The following NEK7 variants were observed in gnomAD, a reference collection of about 807,000 sequenced individuals.
The protein encoded by NEK7 is NIMA related kinase 7.
NEK7 carries 18 observed loss-of-function variants against 44.6 expected under a neutral mutation model. The ratio of observed to expected loss-of-function variants is 0.40; its 90% CI spans 0.28 to 0.60. The LOEUF is 0.60. NEK7 is among the 20% of genes least tolerant of loss of function. The probability of loss-of-function intolerance (pLI) is 0.38; values close to 1 mark genes in which losing one functional copy is unlikely to be tolerated. For synonymous variants in NEK7, 130 were observed against 121.1 expected, an observed-to-expected ratio of 1.07 and a Z score of -0.48; for missense variants, 256 against 366.5, an observed-to-expected ratio of 0.70 and a Z score of 2.46.
At chr1:198,209,003 G>T in intron 1 of NEK7, among the ~76,000 whole-genome samples, 1 of 149,750 alleles carries the variant, frequency 6.7e-6, no homozygotes. Flanking sequence ...TATTTCATTA[G>T]CTCTCTGATG....
At chr1:198,209,153 C>CTT (rs11389228) in intron 1 of NEK7, among the ~76,000 whole-genome samples, 18,898 of 137,170 alleles carry the variant, frequency 0.14, 1,960 homozygotes, top group East Asian at 0.58. Context: ...TATATATATA[C>CTT]TTTTTTTTTT....
chr1:198,229,711 G>A (rs1666330605), intron 1 of NEK7, among the ~76,000 whole-genome samples: 1 of 152,064 alleles, frequency 6.6e-6, no homozygotes, highest in South Asian at 2.1e-4. Flanking sequence ...ACAGTTTGTG[G>A]CTTTTTTCAC....
chr1:198,230,462 T>A lies in NEK7; in HGVS notation c.-28-2091T>A, dbSNP rs957491059. Among the ~76,000 whole-genome samples the A allele has an allele frequency of 6.6e-5, 10 of 152,252 alleles. No individual in the cohort carries two copies. In the South Asian group the frequency reaches 1.0e-3, roughly 16 times the overall value. On this transcript the variant is annotated intron_variant, in intron 1 of 9. Transcript: ENST00000367385. ...ATCATTTCAAGATACACAAATTTTT[T>A]AATAAAAATCTAACATCTATTCTTT...
intron 1 of NEK7, among the ~76,000 whole-genome samples, chr1:198,189,168 C>G (rs1664998670): frequency 6.6e-6 from 1 of 151,884 alleles, no homozygotes; most frequent in African/African-American, 2.4e-5. Flanking sequence ...GAATATAAGT[C>G]TGAATTAAGA....
At chr1:198,308,794 T>C (rs1403780116) in intron 9 of NEK7, among the ~76,000 whole-genome samples, 1 of 152,210 alleles carries the variant, frequency 6.6e-6, no homozygotes, top group African/African-American at 2.4e-5. Flanking sequence ...ACATCATACT[T>C]TCTTTGGCCA....
chr1:198,279,231 A>C (rs567475779), intron 7 of NEK7, among the ~76,000 whole-genome samples, 170 bp downstream of exon 7: 1 of 147,898 alleles, frequency 6.8e-6, no homozygotes, highest in South Asian at 2.2e-4. Flanking sequence ...GTTTCCTCTA[A>C]TATGACAGTT....
At chr1:198,226,743 C>A (rs1229433796) in intron 1 of NEK7, among the ~76,000 whole-genome samples, 1 of 152,050 alleles carries the variant, frequency 6.6e-6, no homozygotes, top group Non-Finnish European at 1.5e-5. Flanking sequence ...AACAATCTCT[C>A]TCTGTGAACT....
At chr1:198,242,557 G>A (rs1430083537) in intron 2 of NEK7, among the ~76,000 whole-genome samples, 2 of 148,942 alleles carry the variant, frequency 1.3e-5, no homozygotes, top group Non-Finnish European at 3.0e-5. Context: ...CACCTCCCGG[G>A]TTCAGGCCAT....
intron 7 of NEK7, among the ~76,000 whole-genome samples, chr1:198,280,420 C>T (rs951421892): frequency 2.6e-5 from 4 of 152,052 alleles, no homozygotes; most frequent in African/African-American, 4.8e-5. Context: ...CATGCACACA[C>T]GTGTGTTGTT....
chr1:198,293,388 T>G (rs984468505), intron 8 of NEK7, among the ~76,000 whole-genome samples: 2 of 151,936 alleles, frequency 1.3e-5, no homozygotes, highest in Non-Finnish European at 2.9e-5. Context: ...TGGATTGGAT[T>G]TAATATATGA....
At chr1:198,171,510 C>G (rs942518623) in intron 1 of NEK7, among the ~76,000 whole-genome samples, 12 of 152,102 alleles carry the variant, frequency 7.9e-5, no homozygotes, top group African/African-American at 2.7e-4. Flanking sequence ...GAAACCCCAT[C>G]TCTACTAAAA....
At chr1:198,217,029 G>A (rs923129963) in intron 1 of NEK7, among the ~76,000 whole-genome samples, 1 of 151,942 alleles carries the variant, frequency 6.6e-6, no homozygotes, top group African/African-American at 2.4e-5. Context: ...AGACATTCAA[G>A]GAAGAATTAG....
At chr1:198,269,525 A>G (rs1466182629) in intron 5 of NEK7, among the ~76,000 whole-genome samples, 9 of 152,162 alleles carry the variant, frequency 5.9e-5, no homozygotes, top group African/African-American at 1.9e-4. Context: ...TTTACAAAGG[A>G]CAGCAGTGAA....
chr1:198,240,499 C>CA (rs11415702), intron 2 of NEK7, among the ~76,000 whole-genome samples: 43,872 of 123,004 alleles, frequency 0.36, 7,554 homozygotes, highest in East Asian at 0.7. Context: ...GACTCCGTCT[C>CA]AAAAAAAAAA....
chr1:198,162,154 G>C (rs567438532), intron 1 of NEK7, among the ~76,000 whole-genome samples: 4 of 152,234 alleles, frequency 2.6e-5, no homozygotes, highest in African/African-American at 9.6e-5. Flanking sequence ...TGTAGCTACT[G>C]AGTAGCATAG....
intron 1 of NEK7, among the ~76,000 whole-genome samples, chr1:198,169,257 G>A (rs1354083181): frequency 6.6e-6 from 1 of 152,120 alleles, no homozygotes; most frequent in African/African-American, 2.4e-5. Context: ...TAAATGAGAT[G>A]CTTCTTATTT....
chr1:198,319,620 G>A lies in NEK7; in HGVS notation c.*98G>A. On this transcript the variant is annotated 3_prime_UTR_variant, in exon 10 of 10. Coordinates refer to ENST00000367385, the MANE Select transcript of NEK7 (RefSeq NM_133494.3). ...GTCTGGTGTTAAGATTAATATTTCA[G>A]AGCTAGTGTGCTTTGAATCCTTAAC... 7.5e-7 allele frequency: 1 copy of A among 1,341,696 alleles called. No homozygotes were observed. Among genetic ancestry groups the A allele is most frequent in the Non-Finnish European group, 9.7e-7 (1 of 1,032,968 alleles). The allele number at this position is 1,341,696 out of a possible 1,614,324, so 83.1% of individuals were successfully genotyped here.
At chr1:198,252,187 G>T (rs968368889) in intron 2 of NEK7, among the ~76,000 whole-genome samples, 13 of 152,096 alleles carry the variant, frequency 8.5e-5, no homozygotes, top group Non-Finnish European at 1.9e-4. Context: ...GAGCGGTTTT[G>T]AGTGAGTTTC....
At chr1:198,200,498 TGA>T (rs1665394748) in intron 1 of NEK7, among the ~76,000 whole-genome samples, 3 of 152,228 alleles carry the variant, frequency 2.0e-5, no homozygotes, top group South Asian at 4.1e-4. Context: ...CTTGACTGAA[TGA>T]TGAGGGTGTT....
Sources: gnomAD v4.1 joint callset for allele counts (sites outside exome capture counted in the v4.1 genomes callset) on GRCh38, gnomAD v4.1.1 for gene constraint, MANE v1.5 for transcripts, NCBI Gene and HGNC (gene_info 2026-07-23, HGNC 2026-07-21) for gene names.